Variants in NRG3 observed in about 807,000 individuals in gnomAD.
The protein encoded by NRG3 is neuregulin 3, also known as pro-neuregulin-3, membrane-bound isoform.
A neutral mutation model predicts 66.9 loss-of-function variants in NRG3; 31 were observed. That is an observed-to-expected ratio of 0.46 (90% confidence interval 0.35 to 0.63). NRG3 has a LOEUF of 0.63. NRG3 is among the 20% of genes least tolerant of loss of function. The pLI is 0.00. For missense variants in NRG3, 910 were observed against 878.9 expected (o/e 1.04, Z -0.45); for synonymous variants, 393 against 359.4 (o/e 1.09, Z -1.06).
chr10:82,547,185 A>C (rs2043973244), intron 2 of NRG3, among the ~76,000 whole-genome samples: 1 of 152,110 alleles, frequency 6.6e-6, no homozygotes, highest in Non-Finnish European at 1.5e-5. Flanking sequence ...TATACTATCT[A>C]CATATTGAGT....
chr10:82,095,014 G>A lies in NRG3; in HGVS notation c.823+218851G>A, dbSNP rs190427438. Among the ~76,000 whole-genome samples the A allele has an allele frequency of 1.8e-4, 28 of 152,178 alleles. No homozygotes were observed. In the East Asian group the frequency reaches 4.8e-3, roughly 26 times the overall value. On this transcript the variant is annotated intron_variant, in intron 1 of 8. Transcript: ENST00000372141. ...ATATTCATGTGGCATAACTGGACTT[G>A]TGCCCCATAAATTTATACAATTTTT...
intron 3 of NRG3, among the ~76,000 whole-genome samples, chr10:82,781,139 C>T (rs903387616): frequency 2.0e-5 from 3 of 152,148 alleles, no homozygotes; most frequent in Admixed American, 6.6e-5. Context: ...ATCTTGCAAT[C>T]CTTAACCAGT....
At chr10:82,251,604 C>T (rs560888763) in intron 1 of NRG3, among the ~76,000 whole-genome samples, 4 of 152,084 alleles carry the variant, frequency 2.6e-5, no homozygotes, top group Non-Finnish European at 4.4e-5. Flanking sequence ...ATCCTGGTGC[C>T]GCTCCTGACC....
At chr10:82,385,847 G>T (rs2085945881) in intron 2 of NRG3, among the ~76,000 whole-genome samples, 1 of 152,068 alleles carries the variant, frequency 6.6e-6, no homozygotes, top group African/African-American at 2.4e-5. Context: ...AAAGGCAAAA[G>T]CCAAGCATAA....
At chr10:82,470,317 C>T (rs942225115) in intron 2 of NRG3, among the ~76,000 whole-genome samples, 5 of 152,214 alleles carry the variant, frequency 3.3e-5, no homozygotes, top group African/African-American at 1.2e-4. Flanking sequence ...GATCTGTCCT[C>T]ACTACTCATG....
chr10:82,973,259 A>G (rs1369422261), intron 6 of NRG3, among the ~76,000 whole-genome samples: 1 of 152,214 alleles, frequency 6.6e-6, no homozygotes, highest in African/African-American at 2.4e-5. Context: ...AAGGAGTGAA[A>G]TGCTCACAAA....
At chr10:82,819,817 T>C (rs959333211) in intron 3 of NRG3, among the ~76,000 whole-genome samples, 20 of 151,940 alleles carry the variant, frequency 1.3e-4, no homozygotes, top group Non-Finnish European at 4.4e-5. Flanking sequence ...TGGAAAGAGT[T>C]AGAAAATAGA....
At chr10:82,735,756 G>A (rs1026059923) in intron 2 of NRG3, among the ~76,000 whole-genome samples, 1 of 152,078 alleles carries the variant, frequency 6.6e-6, no homozygotes, top group Non-Finnish European at 1.5e-5. Context: ...GGCCTGTCAG[G>A]GGGTGGGTGG....
At chr10:82,478,231 CTTTTTT>C (rs1210990084) in intron 2 of NRG3, among the ~76,000 whole-genome samples, 1 of 18,164 alleles carries the variant, frequency 5.5e-5, no homozygotes, top group African/African-American at 1.2e-4. Context: ...TTGTGTCACT[CTTTTTT>C]TTTTTTTTTT....
intron 2 of NRG3, among the ~76,000 whole-genome samples, chr10:82,696,180 A>G (rs2055365053): frequency 6.6e-6 from 1 of 152,154 alleles, no homozygotes; most frequent in African/African-American, 2.4e-5. Context: ...ATTAATTTTT[A>G]AACAGAGATA....
intron 1 of NRG3, among the ~76,000 whole-genome samples, chr10:82,277,590 C>G (rs1004747152): frequency 1.3e-5 from 2 of 152,042 alleles, no homozygotes; most frequent in South Asian, 2.1e-4. Flanking sequence ...TTTCATGGCT[C>G]TATTCATGCC....
At position 82,514,593 on chromosome 10, in the gene NRG3, G is replaced by GTTTGTT. The variant is rs1187710896; in HGVS notation, c.953+155741_953+155746dup. Among the ~76,000 whole-genome samples, 11 of 152,028 alleles carry GTTTGTT rather than the reference G, an allele frequency of 7.2e-5. No individual in the cohort carries two copies. The South Asian group carries it at 2.3e-3, about 32-fold the overall frequency. ...TGCTGGTTTTTTTTGTTTGTTGTTT[G>GTTTGTT]TTTGTTTTTGTTTTTGTTTTTACAG... On this transcript the variant is annotated intron_variant, in intron 2 of 8. Coordinates refer to ENST00000372141, the MANE Select transcript of NRG3 (RefSeq NM_001010848.4).
At chr10:82,983,380 T>C (rs764115458) in intron 8 of NRG3, among the ~76,000 whole-genome samples, 10 of 152,252 alleles carry the variant, frequency 6.6e-5, no homozygotes, top group Non-Finnish European at 1.5e-4. Flanking sequence ...ATTTCTCATA[T>C]AACACTAATG....
intron 1 of NRG3, among the ~76,000 whole-genome samples, chr10:82,266,474 T>C (rs1184444304): frequency 6.6e-6 from 1 of 152,086 alleles, no homozygotes; most frequent in Non-Finnish European, 1.5e-5. Flanking sequence ...CTCAATAACT[T>C]GTCAGACTGA....
intron 3 of NRG3, among the ~76,000 whole-genome samples, chr10:82,744,396 A>G (rs2058556846): frequency 6.6e-6 from 1 of 152,176 alleles, no homozygotes; most frequent in Non-Finnish European, 1.5e-5. Flanking sequence ...ATTTTCTGAT[A>G]GAGGGTGCAT....
rs140467318 is a variant in NRG3, at chr10:82,985,443, T to C, written c.1929T>C (p.Asp643=). 108 of 1,614,122 alleles carry C rather than the reference T, an allele frequency of 6.7e-5. No individual in the cohort carries two copies. The Middle Eastern group carries it at 9.9e-4, about 15-fold the overall frequency. ...TVQEQIRILT[D]ARRSEDYELA... ...AGGAGCAGATCCGAATTCTGACTGA[T>C]GCCAGACGGTCAGAAGACTACGAAC... is the stretch of plus-strand genomic sequence containing the variant. The change falls in exon 9 of 9, where the codon GAT becomes GAC. Residue 643 remains aspartate (D), a synonymous_variant. Coordinates refer to ENST00000372141, the MANE Select transcript of NRG3 (RefSeq NM_001010848.4).
At chr10:82,244,692 G>A (rs1455818176) in intron 1 of NRG3, among the ~76,000 whole-genome samples, 1 of 151,996 alleles carries the variant, frequency 6.6e-6, no homozygotes, top group Non-Finnish European at 1.5e-5. Context: ...GGTACTGAGA[G>A]CGGGGGATGG....
At chr10:82,849,097 G>T (rs1288067271) in intron 3 of NRG3, among the ~76,000 whole-genome samples, 2 of 152,140 alleles carry the variant, frequency 1.3e-5, no homozygotes, top group Admixed American at 6.5e-5. Flanking sequence ...TTACAATGGG[G>T]TCTTTAGCAT....
intron 3 of NRG3, among the ~76,000 whole-genome samples, chr10:82,806,329 T>A (rs1037243291): frequency 1.3e-5 from 2 of 152,226 alleles, no homozygotes; most frequent in Non-Finnish European, 2.9e-5. Flanking sequence ...AATACTTAGA[T>A]AAGACGGCAT....
Sources: allele counts gnomAD v4.1 joint callset (sites outside exome capture counted in the v4.1 genomes callset), GRCh38; gene constraint gnomAD v4.1.1; transcripts MANE v1.5; gene names NCBI Gene and HGNC (gene_info 2026-07-23, HGNC 2026-07-21).